Variants in TNFSF4 observed in about 807,000 individuals in gnomAD.
TNFSF4 encodes the protein TNF superfamily member 4, also known as tumor necrosis factor ligand superfamily member 4.
Under a neutral mutation model 7.3 loss-of-function variants are expected in TNFSF4, and 4 were observed. That is an observed-to-expected ratio of 0.55 (90% CI 0.27 to 1.25). The LOEUF (loss-of-function observed/expected upper bound fraction) is 1.25, where lower values mean the gene tolerates loss of function less well. TNFSF4 is among the 50% of genes most tolerant of loss of function. The pLI, the probability that TNFSF4 is intolerant of heterozygous loss-of-function variation, is 0.12. For missense variants in TNFSF4, 181 were observed against 208.8 expected (o/e 0.87, Z 0.82); for synonymous variants, 76 against 83.7 (o/e 0.91, Z 0.50).
chr1:173,245,861 T>A, the TNFSF4 span, among the ~76,000 whole-genome samples: 2 of 152,230 alleles, frequency 1.3e-5, no homozygotes, highest in Admixed American at 6.5e-5. Context: ...CTGTGCCTGG[T>A]TTATTCCACT....
At chr1:173,246,164 T>A in the TNFSF4 span, among the ~76,000 whole-genome samples, 1 of 152,336 alleles carries the variant, frequency 6.6e-6, no homozygotes, top group Middle Eastern at 3.4e-3. Context: ...TTTTTTTTAT[T>A]TCACTTTAAG....
the TNFSF4 span, among the ~76,000 whole-genome samples, chr1:173,357,180 G>A: frequency 2.0e-5 from 3 of 152,164 alleles, no homozygotes; most frequent in Non-Finnish European, 2.9e-5. Flanking sequence ...TTGAGTTGTA[G>A]GAGCCTATGT....
the TNFSF4 span, among the ~76,000 whole-genome samples, chr1:173,177,100 CACATGT>C: frequency 6.6e-6 from 1 of 152,140 alleles, no homozygotes; most frequent in Non-Finnish European, 1.5e-5. Flanking sequence ...AACAAACCCA[CACATGT>C]AGCCCTGAAC....
chr1:173,381,563 G>C, the TNFSF4 span, among the ~76,000 whole-genome samples: 1 of 152,164 alleles, frequency 6.6e-6, no homozygotes, highest in East Asian at 1.9e-4. Context: ...AACCCCAAAT[G>C]AGCTCAACTA....
the TNFSF4 span, among the ~76,000 whole-genome samples, chr1:173,230,248 T>C: frequency 6.6e-6 from 1 of 152,190 alleles, no homozygotes; most frequent in South Asian, 2.1e-4. Context: ...CACAGTGCAA[T>C]CAAATTAGAA....
chr1:173,287,821 T>C, the TNFSF4 span, among the ~76,000 whole-genome samples: 3 of 152,220 alleles, frequency 2.0e-5, no homozygotes, highest in Admixed American at 2.0e-4. Flanking sequence ...TCTAATTATA[T>C]AAAGTTCAAA....
chr1:173,293,859 A>T, the TNFSF4 span, among the ~76,000 whole-genome samples: 10 of 152,298 alleles, frequency 6.6e-5, no homozygotes, highest in East Asian at 1.9e-4. Flanking sequence ...AAATATATTT[A>T]AAAATGCTCA....
chr1:173,422,214 T>C, the TNFSF4 span, among the ~76,000 whole-genome samples: 1 of 145,384 alleles, frequency 6.9e-6, no homozygotes, highest in Non-Finnish European at 1.5e-5. Flanking sequence ...CCTAGAGACA[T>C]TACCAATGGC....
the TNFSF4 span, among the ~76,000 whole-genome samples, chr1:173,411,653 T>G: frequency 1.7e-4 from 26 of 151,536 alleles, no homozygotes; most frequent in African/African-American, 6.1e-4. Context: ...TACAAAAAAA[T>G]TAGCTGGACA....
chr1:173,315,128 C>G, the TNFSF4 span, among the ~76,000 whole-genome samples: 1 of 152,172 alleles, frequency 6.6e-6, no homozygotes, highest in Non-Finnish European at 1.5e-5. Flanking sequence ...TACGTGTGAC[C>G]TAAGTCTTCT....
chr1:173,375,772 C>G, the TNFSF4 span, among the ~76,000 whole-genome samples: 2 of 152,092 alleles, frequency 1.3e-5, no homozygotes, highest in Admixed American at 1.3e-4. Context: ...GCTGGCCACC[C>G]CCAGCCAGCA....
intron 1 of TNFSF4, among the ~76,000 whole-genome samples, chr1:173,189,739 TA>T (rs1649394151): frequency 6.6e-6 from 1 of 151,990 alleles, no homozygotes; most frequent in African/African-American, 2.4e-5. Context: ...ATTGAAAGAA[TA>T]TACAATACAT....
chr1:173,255,279 A>C, the TNFSF4 span, among the ~76,000 whole-genome samples: 14 of 152,226 alleles, frequency 9.2e-5, no homozygotes, highest in East Asian at 2.7e-3. Context: ...ATGCTCCCTA[A>C]AGTTCTGAAC....
the TNFSF4 span, among the ~76,000 whole-genome samples, chr1:173,277,776 G>A: frequency 6.6e-6 from 1 of 152,094 alleles, no homozygotes; most frequent in Non-Finnish European, 1.5e-5. Context: ...TCTCACAGAA[G>A]TCCACTGAAG....
the TNFSF4 span, among the ~76,000 whole-genome samples, chr1:173,249,325 C>G: frequency 6.6e-6 from 1 of 152,160 alleles, no homozygotes; most frequent in Admixed American, 6.5e-5. Flanking sequence ...ACCTAGATAT[C>G]AGGGAAAAGA....
the TNFSF4 span, chr1:173,418,101 G>A: frequency 5.3e-5 from 8 of 152,280 alleles, no homozygotes; most frequent in African/African-American, 1.9e-4. Flanking sequence ...TTATCCAAAG[G>A]TTTGTGTCCA....
chr1:173,394,738 T>G, the TNFSF4 span, among the ~76,000 whole-genome samples: 1 of 152,124 alleles, frequency 6.6e-6, no homozygotes, highest in Non-Finnish European at 1.5e-5. Context: ...GGTTTTCAGA[T>G]GCAGATTCTA....
the TNFSF4 span, among the ~76,000 whole-genome samples, chr1:173,450,191 A>G: frequency 1.5e-4 from 23 of 152,182 alleles, no homozygotes; most frequent in African/African-American, 5.1e-4. Flanking sequence ...TTTTAAAATT[A>G]AAAAAAATTA....
rs569067793 is a variant in TNFSF4, at chr1:173,199,867, G to A, written c.153+7157C>T. ...TCATTTAAAAAAAATGCAGAGGAAA[G>A]TAAGACTCAGAGAGAATAAATTACT... On this transcript the variant is annotated intron_variant, in intron 1 of 2. Transcript: ENST00000281834. 2.0e-5 allele frequency among the ~76,000 whole-genome samples: 3 copies of A among 152,132 alleles called. No homozygotes were observed. The South Asian group carries it at 6.2e-4, about 32-fold the overall frequency.
Sources: allele counts gnomAD v4.1 joint callset (sites outside exome capture counted in the v4.1 genomes callset), GRCh38; gene constraint gnomAD v4.1.1; transcripts MANE v1.5; gene names NCBI Gene and HGNC (gene_info 2026-07-23, HGNC 2026-07-21).